Variants in SUCLG2 observed in about 807,000 individuals in gnomAD.
The protein encoded by SUCLG2 is succinate--CoA ligase [GDP-forming] subunit beta, mitochondrial.
A neutral mutation model predicts 47.9 loss-of-function variants in SUCLG2; 42 were observed. The ratio of observed to expected loss-of-function variants is 0.88; its 90% CI spans 0.69 to 1.14. The LOEUF is 1.14. Ranked by LOEUF, SUCLG2 falls within the 50% of genes most tolerant of loss-of-function variation. SUCLG2 has a pLI of 0.00. For synonymous variants in SUCLG2, 195 were observed against 197.3 expected, an observed-to-expected ratio of 0.99 and a Z score of 0.10; for missense variants, 571 against 525.9, an observed-to-expected ratio of 1.09 and a Z score of -0.84.
chr3:67,396,001 C>A (rs1370175495), intron 10 of SUCLG2, among the ~76,000 whole-genome samples: 1 of 152,012 alleles, frequency 6.6e-6, no homozygotes, highest in Admixed American at 6.6e-5. Context: ...ATACCAGAAT[C>A]TCTGGGACAC....
chr3:67,380,186 T>A (rs1553694037), intron 10 of SUCLG2, among the ~76,000 whole-genome samples: 1 of 145,266 alleles, frequency 6.9e-6, no homozygotes, highest in Non-Finnish European at 1.5e-5. Flanking sequence ...TTTTTTGGAG[T>A]CCTCTCACAG....
intron 2 of SUCLG2, among the ~76,000 whole-genome samples, chr3:67,548,522 A>T (rs1275368972): frequency 2.0e-5 from 3 of 152,216 alleles, no homozygotes; most frequent in African/African-American, 7.2e-5. Flanking sequence ...TAAAAATATT[A>T]ATTTATAATA....
At chr3:67,393,169 G>T (rs1030905087) in intron 10 of SUCLG2, among the ~76,000 whole-genome samples, 4 of 152,236 alleles carry the variant, frequency 2.6e-5, no homozygotes, top group Admixed American at 1.3e-4. Flanking sequence ...GACAGTGGGC[G>T]CAGGACAGTG....
intron 8 of SUCLG2, among the ~76,000 whole-genome samples, chr3:67,496,947 A>T (rs1410572493): frequency 2.0e-5 from 3 of 152,198 alleles, no homozygotes; most frequent in Non-Finnish European, 4.4e-5. Flanking sequence ...GAATCTTAAA[A>T]CAATTTGAAA....
intron 2 of SUCLG2, among the ~76,000 whole-genome samples, chr3:67,571,721 A>T (rs1707616687): frequency 6.6e-6 from 1 of 152,234 alleles, no homozygotes; most frequent in South Asian, 2.1e-4. Context: ...TTTATAAAAA[A>T]TATTTGCACT....
At chr3:67,424,538 A>T (rs1400453552) in intron 9 of SUCLG2, among the ~76,000 whole-genome samples, 1 of 152,140 alleles carries the variant, frequency 6.6e-6, no homozygotes, top group African/African-American at 2.4e-5. Flanking sequence ...CGGGCTCAAC[A>T]TACTAGCTAT....
At chr3:67,600,459 T>C (rs901627360) in intron 2 of SUCLG2, among the ~76,000 whole-genome samples, 1 of 152,236 alleles carries the variant, frequency 6.6e-6, no homozygotes, top group African/African-American at 2.4e-5. Flanking sequence ...CCCTATTTTA[T>C]AGTCAAGTAA....
At chr3:67,562,663 C>T (rs758993801) in intron 2 of SUCLG2, among the ~76,000 whole-genome samples, 1 of 152,220 alleles carries the variant, frequency 6.6e-6, no homozygotes, top group Non-Finnish European at 1.5e-5. Flanking sequence ...AAGTGTATGG[C>T]AAGTTGCATA....
chr3:67,384,243 G>A (rs1288922333), intron 10 of SUCLG2, among the ~76,000 whole-genome samples: 2 of 152,152 alleles, frequency 1.3e-5, no homozygotes, highest in Non-Finnish European at 2.9e-5. Flanking sequence ...TGACTCTCAC[G>A]AGACATTTCA....
intron 1 of SUCLG2, among the ~76,000 whole-genome samples, 171 bp downstream of exon 1, chr3:67,654,332 G>C (rs568874274): frequency 6.6e-6 from 1 of 152,304 alleles, no homozygotes; most frequent in Non-Finnish European, 1.5e-5. Flanking sequence ...GCCCCACACT[G>C]GAGCGGGGTT....
At chr3:67,454,254 C>G (rs911889023) in intron 9 of SUCLG2, among the ~76,000 whole-genome samples, 6 of 152,080 alleles carry the variant, frequency 3.9e-5, no homozygotes, top group Non-Finnish European at 8.8e-5. Context: ...GGATTTGGAA[C>G]AGTAGCTGGT....
intron 7 of SUCLG2, among the ~76,000 whole-genome samples, chr3:67,506,649 G>C (rs1234391595): frequency 2.0e-5 from 3 of 152,090 alleles, no homozygotes; most frequent in African/African-American, 7.2e-5. Flanking sequence ...ATGTATTGCA[G>C]CCATTTTTAT....
intron 9 of SUCLG2, among the ~76,000 whole-genome samples, chr3:67,482,348 A>T (rs1704940477): frequency 6.6e-6 from 1 of 152,216 alleles, no homozygotes. Context: ...AAGGTATTTC[A>T]CACTGTAGGA....
chr3:67,592,612 A>G (rs1708189926), intron 2 of SUCLG2, among the ~76,000 whole-genome samples: 1 of 150,984 alleles, frequency 6.6e-6, no homozygotes, highest in Admixed American at 6.6e-5. Context: ...GCATCCCCAA[A>G]TAGTCTGGGG....
intron 1 of SUCLG2, among the ~76,000 whole-genome samples, chr3:67,616,713 C>T (rs988274859): frequency 7.9e-5 from 12 of 152,278 alleles, no homozygotes; most frequent in Admixed American, 2.6e-4. Context: ...AAAGGGCTTG[C>T]CCCTTACTTA....
intron 2 of SUCLG2, among the ~76,000 whole-genome samples, chr3:67,549,571 A>T (rs906859857): frequency 6.6e-6 from 1 of 152,180 alleles, no homozygotes; most frequent in Non-Finnish European, 1.5e-5. Context: ...GTTGATCTTT[A>T]CCTCCTTCTT....
chr3:67,423,034 T>C (rs1362409111), intron 9 of SUCLG2, among the ~76,000 whole-genome samples: 1 of 152,194 alleles, frequency 6.6e-6, no homozygotes, highest in Non-Finnish European at 1.5e-5. Flanking sequence ...TTAGTCTTGT[T>C]TGTGGATGGT....
At chr3:67,482,483 C>A (rs1704943912) in intron 9 of SUCLG2, among the ~76,000 whole-genome samples, 1 of 151,468 alleles carries the variant, frequency 6.6e-6, no homozygotes, top group South Asian at 2.1e-4. Context: ...TATTTTTTTA[C>A]TTTAGCTTCA....
chr3:67,573,264 C>G (rs545997188), intron 2 of SUCLG2, among the ~76,000 whole-genome samples: 80 of 152,238 alleles, frequency 5.3e-4, no homozygotes, highest in African/African-American at 1.4e-3. Flanking sequence ...AACATGAACT[C>G]TAATCAAAAC....
Sources: gnomAD v4.1 joint callset for allele counts (sites outside exome capture counted in the v4.1 genomes callset) on GRCh38, gnomAD v4.1.1 for gene constraint, MANE v1.5 for transcripts, NCBI Gene and HGNC (gene_info 2026-07-23, HGNC 2026-07-21) for gene names.